VSTM4: variants seen among roughly 807,000 people sequenced by gnomAD.
VSTM4 encodes the protein V-set and transmembrane domain-containing protein 4.
VSTM4 carries 20 observed loss-of-function variants against 36.4 expected under a neutral mutation model. That is an observed-to-expected ratio of 0.55 (90% CI 0.39 to 0.80). The LOEUF is 0.80. VSTM4 is among the 30% of genes least tolerant of loss of function. The pLI, the probability that VSTM4 is intolerant of heterozygous loss-of-function variation, is 0.00. For missense variants in VSTM4, 392 were observed against 404.5 expected (o/e 0.97, Z 0.26); for synonymous variants, 182 against 173.9 (o/e 1.05, Z -0.37).
Position 49,019,439 on chromosome 10 carries a change from G to T in VSTM4, c.*211C>A. On this transcript the variant is annotated 3_prime_UTR_variant, in exon 8 of 8. Transcript: ENST00000332853. The stretch of plus-strand genomic sequence containing the variant: ...CAGGGCTCAAACCCAGGCGCATCTT[G>T]TCCCGGGAGATCTGTCAAGAGCTGT... 1 of 489,622 alleles carries T rather than the reference G, an allele frequency of 2.0e-6. No individual in the cohort carries two copies. The highest frequency in any genetic ancestry group is 3.1e-6 in the Non-Finnish European group (1 of 319,360). The allele number at this position is 489,622 out of a possible 1,614,324, so 30.3% of individuals were successfully genotyped here.
chr10:49,054,046 T>C (rs1231242333), intron 5 of VSTM4, among the ~76,000 whole-genome samples: 1 of 152,242 alleles, frequency 6.6e-6, no homozygotes, highest in Non-Finnish European at 1.5e-5. Flanking sequence ...GAGCTTGGTA[T>C]CCGTGACCTC....
At chr10:49,021,071 T>C (rs1843176208) in intron 7 of VSTM4, among the ~76,000 whole-genome samples, 1 of 152,114 alleles carries the variant, frequency 6.6e-6, no homozygotes, top group South Asian at 2.1e-4. Context: ...TGTAGACATA[T>C]ATTTTCTTAA....
chr10:49,057,342 A>G (rs1430242569), intron 5 of VSTM4, among the ~76,000 whole-genome samples: 1 of 152,226 alleles, frequency 6.6e-6, no homozygotes, highest in East Asian at 1.9e-4. Flanking sequence ...TTCTGAGAAT[A>G]AGACATAAAT....
intron 7 of VSTM4, among the ~76,000 whole-genome samples, chr10:49,033,367 A>T (rs1463455672): frequency 6.6e-6 from 1 of 152,218 alleles, no homozygotes; most frequent in African/African-American, 2.4e-5. Context: ...TGTAGCCATG[A>T]CCCACACTAA....
chr10:49,025,534 A>G (rs1055823289), intron 7 of VSTM4, among the ~76,000 whole-genome samples: 2 of 152,298 alleles, frequency 1.3e-5, no homozygotes, highest in Non-Finnish European at 2.9e-5. Flanking sequence ...CGCCATGGCC[A>G]GGCCTCGGCC....
intron 2 of VSTM4, chr10:49,102,696 A>C (rs943497815): frequency 1.0e-6 from 1 of 985,348 alleles, no homozygotes; most frequent in Non-Finnish European, 1.2e-6. Flanking sequence ...GGGTGACTAC[A>C]TCCACCAAGT....
chr10:49,061,120 A>C (rs544242115), intron 5 of VSTM4, among the ~76,000 whole-genome samples: 1 of 152,320 alleles, frequency 6.6e-6, no homozygotes, highest in East Asian at 1.9e-4. Context: ...TATTTTTTAA[A>C]ATGTACATAT....
At chr10:49,058,564 G>A (rs1427495949) in intron 5 of VSTM4, among the ~76,000 whole-genome samples, 7 of 152,118 alleles carry the variant, frequency 4.6e-5, no homozygotes, top group Non-Finnish European at 7.3e-5. Flanking sequence ...CCTGGGAAAG[G>A]AACAGTCTCC....
Position 49,019,612 on chromosome 10 carries a change from G to T in VSTM4, c.*38C>A. ...TCCAAGGCTTCATAAATCACTGGGT[G>T]GCAGGTATTAAATAGAACCTTGGAG... is the stretch of plus-strand genomic sequence containing the variant. On this transcript the variant is annotated 3_prime_UTR_variant, in exon 8 of 8. Coordinates refer to ENST00000332853, the MANE Select transcript of VSTM4 (RefSeq NM_001031746.5). 1.3e-6 allele frequency: 2 copies of T among 1,564,022 alleles called. No homozygotes were observed. Among genetic ancestry groups the T allele is most frequent in the Non-Finnish European group, 1.7e-6 (2 of 1,151,540 alleles).
intron 2 of VSTM4, among the ~76,000 whole-genome samples, chr10:49,094,290 G>A (rs544423120): frequency 3.3e-5 from 5 of 152,304 alleles, no homozygotes; most frequent in Admixed American, 2.6e-4. Flanking sequence ...CAGGCTTTGT[G>A]TCTGTCATGA....
At chr10:49,045,202 TTCTCTC>T (rs55748405) in intron 7 of VSTM4, among the ~76,000 whole-genome samples, 3 of 148,408 alleles carry the variant, frequency 2.0e-5, no homozygotes, top group Admixed American at 6.7e-5. Context: ...CAGTCTTTCT[TTCTCTC>T]TCTCTCTCTC....
At chr10:49,042,249 C>A (rs1049940272) in intron 7 of VSTM4, among the ~76,000 whole-genome samples, 2 of 152,178 alleles carry the variant, frequency 1.3e-5, no homozygotes, top group Non-Finnish European at 2.9e-5. Flanking sequence ...CTGCCAATGG[C>A]CTATTAAAAT....
chr10:49,030,160 G>C (rs934471640), intron 7 of VSTM4, among the ~76,000 whole-genome samples: 8 of 152,214 alleles, frequency 5.3e-5, no homozygotes, highest in South Asian at 4.1e-4. Context: ...ACGTCCAGGG[G>C]CATTTTCAGA....
Position 49,048,556 on chromosome 10 carries a change from T to G in VSTM4, c.697A>C (p.Ser233Arg), listed in dbSNP as rs1176594294. 3.1e-6 allele frequency: 5 copies of G among 1,595,776 alleles called. No homozygotes were observed. In the South Asian group the frequency reaches 5.7e-5, roughly 18 times the overall value. Residue 233 changes from serine to arginine, a missense_variant, in exon 6 of 8, where the codon AGC (serine) becomes CGC (arginine). Transcript: ENST00000332853. ...SSGETVTSVT[S>R]LAPLQPKKGK... is the part of the protein sequence containing the mutation. ...TTCTTGGGCTGTAGTGGGGCCAAGCTGGTCACGCTAGTGACAGTCTCCCCT... is the reference window on the plus strand; with the variant it reads ...TTCTTGGGCTGTAGTGGGGCCAAGCGGGTCACGCTAGTGACAGTCTCCCCT...
chr10:49,061,548 T>A (rs979777475), intron 5 of VSTM4, among the ~76,000 whole-genome samples: 2 of 152,194 alleles, frequency 1.3e-5, no homozygotes, highest in African/African-American at 4.8e-5. Context: ...TTTTTGATGT[T>A]TAAATTTTGT....
intron 2 of VSTM4, among the ~76,000 whole-genome samples, chr10:49,105,009 A>G (rs1267610054): frequency 9.1e-5 from 1 of 10,962 alleles, no homozygotes; most frequent in African/African-American, 4.8e-4. Flanking sequence ...AGAGAGAGAG[A>G]CAGAGAGATA....
chr10:49,107,960 C>T lies in VSTM4; in HGVS notation c.91G>A (p.Gly31Arg). 6.2e-7 allele frequency: 1 copy of T among 1,600,810 alleles called. No individual in the cohort carries two copies. Among genetic ancestry groups the T allele is most frequent in the Non-Finnish European group, 8.5e-7 (1 of 1,173,110 alleles). The stretch of plus-strand genomic sequence containing the variant: ...CCCTCCAGGTAGTCAACCACGGGCC[C>T]CGGGGACACAGTGACATTGAGGGCC... ...CAALNVTVSP[G>R]PVVDYLEGEN... is the part of the protein sequence containing the mutation. Residue 31 changes from glycine to arginine, a missense_variant, in exon 2 of 8, where the codon GGG becomes AGG. Coordinates refer to ENST00000332853, the MANE Select transcript of VSTM4 (RefSeq NM_001031746.5).
chr10:49,093,655 T>A (rs1844517709), intron 2 of VSTM4, among the ~76,000 whole-genome samples: 2 of 152,018 alleles, frequency 1.3e-5, no homozygotes, highest in African/African-American at 4.8e-5. Context: ...CACCAGACCA[T>A]GCCTTATTCT....
chr10:49,024,403 G>T (rs753706679), intron 7 of VSTM4, among the ~76,000 whole-genome samples: 4 of 152,194 alleles, frequency 2.6e-5, no homozygotes, highest in Non-Finnish European at 5.9e-5. Flanking sequence ...TGCATCAAAG[G>T]AAGGCTGCAA....
Sources: allele counts gnomAD v4.1 joint callset (sites outside exome capture counted in the v4.1 genomes callset), GRCh38; gene constraint gnomAD v4.1.1; transcripts MANE v1.5; gene names NCBI Gene and HGNC (gene_info 2026-07-23, HGNC 2026-07-21).